Variants in MAP3K10 observed in about 807,000 individuals in gnomAD.
MAP3K10 encodes the protein MKN28 derived nonreceptor_type serine/threonine kinase.
MAP3K10 carries 22 observed loss-of-function variants against 75.0 expected under a neutral mutation model. That is an observed-to-expected ratio of 0.29 (90% confidence interval 0.21 to 0.42). The LOEUF is 0.42. Ranked by LOEUF, MAP3K10 falls within the 10% of genes least tolerant of loss-of-function variation. The pLI is 1.00. For synonymous variants in MAP3K10, 599 were observed against 612.9 expected (o/e 0.98, Z 0.34); for missense variants, 1,165 against 1,379.8 (o/e 0.84, Z 2.47).
chr19:40,199,505 G>A (rs1423089663), intron 2 of MAP3K10, among the ~76,000 whole-genome samples: 1 of 152,166 alleles, frequency 6.6e-6, no homozygotes, highest in Admixed American at 6.6e-5. Flanking sequence ...CGAAAAGTTT[G>A]GAGGAAGAAG....
intron 2 of MAP3K10, among the ~76,000 whole-genome samples, chr19:40,201,793 GCT>G (rs1491291202): frequency 7.3e-6 from 1 of 136,630 alleles, no homozygotes; most frequent in Non-Finnish European, 1.6e-5. Context: ...CCACACGCCA[GCT>G]TTTTTTTTTT....
At position 40,214,031 on chromosome 19, in the gene MAP3K10, A is replaced by ACCCACG. The variant is rs1973298745; in HGVS notation, c.2356_2361dup (p.Thr786_Pro787dup). The ACCCACG allele has an allele frequency of 8.1e-7, 1 of 1,227,554 alleles. No homozygotes were observed. The allele number at this position is 1,227,554 out of a possible 1,614,324, so 76.0% of individuals were successfully genotyped here. ...CACCACCCTCCCCGCCCGCGCCCAC[A>ACCCACG]CCCACGCCCTCGCCCAGCACCAACC... On this transcript the variant is annotated inframe_insertion, in exon 9 of 10. Transcript: ENST00000253055.
At position 40,191,831 on chromosome 19, in the gene MAP3K10, T is replaced by G. The variant is rs1180861636; in HGVS notation, c.-201T>G. 1 of 121,240 alleles carries G rather than the reference T, an allele frequency of 8.2e-6. No homozygotes were observed. The allele number at this position is 121,240 out of a possible 1,614,324, so 7.5% of individuals were successfully genotyped here. On this transcript the variant is annotated 5_prime_UTR_variant, in exon 1 of 10. Coordinates refer to ENST00000253055, the MANE Select transcript of MAP3K10 (RefSeq NM_002446.4). Reference sequence around the variant, plus strand: ...CTCCCACCCCGCCCCGCCCCGCCCGTACAGCCAAATCGGAAGGGACGAGCC... The same window carrying G: ...CTCCCACCCCGCCCCGCCCCGCCCGGACAGCCAAATCGGAAGGGACGAGCC...
chr19:40,198,275 T>G lies in MAP3K10; in HGVS notation c.683-100T>G. The G allele has an allele frequency of 8.6e-7, 1 of 1,166,262 alleles. No homozygotes were observed. The allele number at this position is 1,166,262 out of a possible 1,614,324, so 72.2% of individuals were successfully genotyped here. On this transcript the variant is annotated intron_variant, in intron 1 of 9. Transcript: ENST00000253055. The surrounding 1 kb of genome is among the most constrained non-coding windows in gnomAD (Gnocchi z 4.3). ...CACAGAGCGGGGCAGCCTGAGGCAG[T>G]GAGAGGAAAGACGTGTTTCTAGCTG... is the stretch of plus-strand genomic sequence containing the variant.
In MAP3K10 at chr19:40,213,901, C is replaced by T; in HGVS notation, c.2222C>T (p.Ala741Val). Residue 741 changes from alanine (A) to valine (V), a missense_variant, in exon 9 of 10, where the codon GCG becomes GTG. By Grantham distance (64) the Ala-to-Val change is moderately conservative (BLOSUM62 0). Transcript: ENST00000253055. This position sits in a 1 kb window ranked among gnomAD's most constrained non-coding sequence, Gnocchi z 5.7. ...REDVGPGLGL[A>V]PSATLVSLSS... ...GACGTGGGCCCCGGCCTGGGCCTGG[C>T]GCCCTCGGCCACCCTCGTGTCGCTG... 2.7e-6 allele frequency: 4 copies of T among 1,500,308 alleles called. No individual in the cohort carries two copies. Among genetic ancestry groups the T allele is most frequent in the Non-Finnish European group, 3.5e-6 (4 of 1,131,620 alleles). 92.9% of individuals were successfully genotyped at this position (1,500,308 alleles called of 1,614,324 possible). A position where few individuals can be genotyped will look rare whatever the true frequency, so the allele number is the denominator to read the frequency against.
rs933533401 is a variant in MAP3K10 at position 40,192,190 on chromosome 19, C to G, written c.159C>G (p.Ser53=). The G allele has an allele frequency of 1.2e-6, 2 of 1,608,542 alleles. No homozygotes were observed. The highest frequency in any genetic ancestry group is 1.7e-6 in the Non-Finnish European group (2 of 1,178,628). Residue 53 remains serine (S), a synonymous_variant, in exon 1 of 10, where the codon TCC becomes TCG. Coordinates refer to ENST00000253055, the MANE Select transcript of MAP3K10 (RefSeq NM_002446.4). The surrounding 1 kb of genome is among the most constrained non-coding windows in gnomAD (Gnocchi z 7.1). The part of the protein sequence containing the change: ...VQVLSQDCAV[S]GDEGWWTGQL... ...TGCTTTCCCAAGACTGTGCGGTGTC[C>G]GGCGACGAGGGCTGGTGGACCGGGC...
intron 9 of MAP3K10, 106 bp downstream of exon 9, chr19:40,214,327 C>T (rs2145102138): frequency 8.0e-7 from 1 of 1,256,956 alleles, no homozygotes; most frequent in African/African-American, 1.6e-5. Flanking sequence ...CCACCTCCTG[C>T]TTCTTGTGGA....
intron 5 of MAP3K10, among the ~76,000 whole-genome samples, chr19:40,208,357 TTTTTTTTTTTTTG>T (rs1375949273): frequency 2.7e-5 from 3 of 109,722 alleles, no homozygotes; most frequent in Admixed American, 9.1e-5. Flanking sequence ...TTTTTTTTTT[TTTTTTTTTTTTTG>T]TATTTTTAGT....
At position 40,205,188 on chromosome 19, in the gene MAP3K10, C is replaced by T. The variant is rs933249493; in HGVS notation, c.1080C>T (p.Ile360=). ...FGSILKRLEV[I]EQSALFQMPL... is the part of the protein sequence containing the mutation. ...GCATCTTGAAGCGGCTTGAAGTCAT[C>T]GAACAGTCAGCCCTGTTCCAGATGC... Residue 360 remains isoleucine, a synonymous_variant, in exon 4 of 10, where the codon ATC becomes ATT. Transcript: ENST00000253055. The surrounding 1 kb of genome is among the most constrained non-coding windows in gnomAD (Gnocchi z 4.3). The T allele has an allele frequency of 3.2e-5, 52 of 1,613,936 alleles. No homozygotes were observed. Among genetic ancestry groups the T allele is most frequent in the Non-Finnish European group, 3.7e-5 (44 of 1,180,040 alleles).
chr19:40,198,379 G>C lies in MAP3K10; in HGVS notation c.687G>C (p.Leu229=). 6.2e-6 allele frequency: 10 copies of C among 1,612,324 alleles called. No homozygotes were observed. The highest frequency in any genetic ancestry group is 8.5e-6 in the Non-Finnish European group (10 of 1,179,222). Residue 229 remains leucine (L), a synonymous_variant, in exon 2 of 10, where the codon CTG becomes CTC. Transcript: ENST00000253055. This position sits in a 1 kb window ranked among gnomAD's most constrained non-coding sequence, Gnocchi z 4.3. ...IHRDLKSINI[L]ILEAIENHNL... ...ACCTTTCTTCCCACCCCACAGTCCT[G>C]ATCCTGGAGGCCATCGAGAACCACA...
In MAP3K10 at chr19:40,212,607, G is replaced by A. The variant is rs1265015016; in HGVS notation, c.1553-198G>A. On this transcript the variant is annotated intron_variant, in intron 6 of 9. Coordinates refer to ENST00000253055, the MANE Select transcript of MAP3K10 (RefSeq NM_002446.4). This position sits in a 1 kb window ranked among gnomAD's most constrained non-coding sequence, Gnocchi z 4.2. Reference sequence around the variant, plus strand: ...GAACCGCTCATGGCCTTCAGTGCCAGGCGGAGGAGCTGGAACCTTGTCCTG... The same window carrying A: ...GAACCGCTCATGGCCTTCAGTGCCAAGCGGAGGAGCTGGAACCTTGTCCTG... Among the ~76,000 whole-genome samples the A allele has an allele frequency of 3.3e-5, 5 of 152,228 alleles. No individual in the cohort carries two copies. Among genetic ancestry groups the A allele is most frequent in the Non-Finnish European group, 7.3e-5 (5 of 68,030 alleles).
At position 40,202,387 on chromosome 19, in the gene MAP3K10, C is replaced by G. The variant is rs566698938; in HGVS notation, c.864-2098C>G. On this transcript the variant is annotated intron_variant, in intron 2 of 9. Transcript: ENST00000253055. ...TTTGTTCCTGCGCTCCTGTGCCTGT[C>G]TGCTGTGCTGAGCTGCAGATGTGTC... 2.6e-5 allele frequency among the ~76,000 whole-genome samples: 4 copies of G among 152,298 alleles called. 1 individual carries two copies. Among genetic ancestry groups the G allele is most frequent in the African/African-American group, 7.2e-5 (3 of 41,554 alleles).
In MAP3K10 at chr19:40,192,118, G is replaced by C. The variant is rs1220465513; in HGVS notation, c.87G>C (p.Ala29=). Residue 29 remains alanine, a synonymous_variant, in exon 1 of 10, where the codon GCG becomes GCC. Transcript: ENST00000253055. The surrounding 1 kb of genome is among the most constrained non-coding windows in gnomAD (Gnocchi z 7.1). ...PVWTAVFDYE[A]AGDEELTLRR... is the part of the protein sequence containing the mutation. ...GGACCGCGGTGTTCGACTACGAGGC[G>C]GCGGGCGACGAGGAGCTGACCCTGC... 3 of 1,570,588 alleles carry C rather than the reference G, an allele frequency of 1.9e-6. No homozygotes were observed. The highest frequency in any genetic ancestry group is 2.6e-6 in the Non-Finnish European group (3 of 1,161,420).
rs535554378 is a variant in MAP3K10, at chr19:40,212,690, A to G, written c.1553-115A>G. 1.6e-5 allele frequency: 22 copies of G among 1,365,144 alleles called. No homozygotes were observed. The highest frequency in any genetic ancestry group is 2.9e-5 in the African/African-American group (2 of 68,808). The allele number at this position is 1,365,144 out of a possible 1,614,324, so 84.6% of individuals were successfully genotyped here. ...CAGGGAGGGTCATGACTGGAGTTCA[A>G]AAGAGCCCTTGGACTCCCAGGCGGA... On this transcript the variant is annotated intron_variant, in intron 6 of 9. Coordinates refer to ENST00000253055, the MANE Select transcript of MAP3K10 (RefSeq NM_002446.4). This position sits in a 1 kb window ranked among gnomAD's most constrained non-coding sequence, Gnocchi z 4.2.
intron 2 of MAP3K10, among the ~76,000 whole-genome samples, chr19:40,201,623 G>C (rs1973023751): frequency 6.6e-6 from 1 of 150,934 alleles, no homozygotes. Flanking sequence ...CTCTCTAGTA[G>C]CTGGGACTAC....
In MAP3K10 at chr19:40,192,202, C is replaced by T. The variant is rs902650147; in HGVS notation, c.171C>T (p.Gly57=). Residue 57 remains glycine, a synonymous_variant, in exon 1 of 10, where the codon GGC becomes GGT. Transcript: ENST00000253055. The surrounding 1 kb of genome is among the most constrained non-coding windows in gnomAD (Gnocchi z 7.1). Reference sequence around the variant, plus strand: ...ACTGTGCGGTGTCCGGCGACGAGGGCTGGTGGACCGGGCAGCTCCCCAGCG... The same window carrying T: ...ACTGTGCGGTGTCCGGCGACGAGGGTTGGTGGACCGGGCAGCTCCCCAGCG... The part of the protein sequence containing the change: ...SQDCAVSGDE[G]WWTGQLPSGR... 1 of 1,608,566 alleles carries T rather than the reference C, an allele frequency of 6.2e-7. No homozygotes were observed. Among genetic ancestry groups the T allele is most frequent in the African/African-American group, 1.3e-5 (1 of 75,010 alleles).
chr19:40,214,002 T>TACCCCCCCCCCCACCCCCCCCCC lies in MAP3K10; in HGVS notation c.2323_2324insACCCCCCCCCCCACCCCCCCCCC (p.Ser775TyrfsTer55). On this transcript the variant is annotated frameshift_variant, in exon 9 of 10. Transcript: ENST00000253055. LOFTEE classifies it high-confidence loss of function. The stretch of plus-strand genomic sequence containing the variant: ...TGACGAGGCCGCACCGGCCGCGCCC[T>TACCCCCCCCCCCACCCCCCCCCC]CCCCACCACCCTCCCCGCCCGCGCC... 1 of 1,493,670 alleles carries TACCCCCCCCCCCACCCCCCCCCC rather than the reference T, an allele frequency of 6.7e-7. No individual in the cohort carries two copies. 92.5% of individuals were successfully genotyped at this position (1,493,670 alleles called of 1,614,324 possible).
In MAP3K10 at chr19:40,214,035, A is replaced by ACCCCCCC; in HGVS notation, c.2357_2358insCCCCCCC (p.Ser788ProfsTer66). 1 of 1,011,184 alleles carries ACCCCCCC rather than the reference A, an allele frequency of 9.9e-7. No homozygotes were observed. The highest frequency in any genetic ancestry group is 1.2e-6 in the Non-Finnish European group (1 of 803,192). 62.6% of individuals were successfully genotyped at this position (1,011,184 alleles called of 1,614,324 possible). A position where few individuals can be genotyped will look rare whatever the true frequency, so the allele number is the denominator to read the frequency against. On this transcript the variant is annotated frameshift_variant, in exon 9 of 10. Coordinates refer to ENST00000253055, the MANE Select transcript of MAP3K10 (RefSeq NM_002446.4). LOFTEE classifies it high-confidence loss of function. ...ACCCTCCCCGCCCGCGCCCACACCC[A>ACCCCCCC]CGCCCTCGCCCAGCACCAACCCCCT...
chr19:40,209,032 C>A, intron 5 of MAP3K10, 71 bp from the exon 6 acceptor site: 1 of 1,120,934 alleles, frequency 8.9e-7, no homozygotes, highest in Non-Finnish European at 1.4e-6. Context: ...TTCTCTACTT[C>A]TACAGAAGAA....
Sources: allele counts gnomAD v4.1 joint callset (sites outside exome capture counted in the v4.1 genomes callset), GRCh38; gene constraint gnomAD v4.1.1; non-coding constraint Gnocchi (gnomAD v3.1); transcripts MANE v1.5; gene names NCBI Gene and HGNC (gene_info 2026-07-23, HGNC 2026-07-21).